PCOLCE2: variants seen among roughly 807,000 people sequenced by gnomAD.
PCOLCE2 encodes the protein procollagen C-endopeptidase enhancer 2.
PCOLCE2 carries 42 observed loss-of-function variants against 47.0 expected under a neutral mutation model. That is an observed-to-expected ratio of 0.89 (90% CI 0.70 to 1.16). PCOLCE2 has a LOEUF of 1.16. Ranked by LOEUF, PCOLCE2 falls within the 50% of genes most tolerant of loss-of-function variation. The pLI is 0.00. For missense variants in PCOLCE2, 500 were observed against 526.1 expected, an observed-to-expected ratio of 0.95 and a Z score of 0.49; for synonymous variants, 169 against 191.7, an observed-to-expected ratio of 0.88 and a Z score of 0.98.
intron 5 of PCOLCE2, 51 bp downstream of exon 5, chr3:142,838,719 A>G (rs377414990): frequency 3.1e-4 from 474 of 1,512,060 alleles, no homozygotes; most frequent in Non-Finnish European, 4.2e-4. Flanking sequence ...CTGAACAAGA[A>G]ACAAGTTTAG....
chr3:142,870,803 T>C (rs1933374873), intron 2 of PCOLCE2, among the ~76,000 whole-genome samples: 1 of 151,844 alleles, frequency 6.6e-6, no homozygotes, highest in East Asian at 1.9e-4. Flanking sequence ...CTACACATAG[T>C]TGGATACAGC....
intron 6 of PCOLCE2, chr3:142,827,203 G>A (rs1937090259): frequency 4.7e-6 from 6 of 1,275,436 alleles, no homozygotes; most frequent in Admixed American, 1.7e-5. Flanking sequence ...AGATGGCGGA[G>A]GGGATGCCGA....
chr3:142,869,290 CA>C lies in PCOLCE2; in HGVS notation c.192+18378del, dbSNP rs767538601. On this transcript the variant is annotated intron_variant, in intron 2 of 8. Coordinates refer to ENST00000295992, the MANE Select transcript of PCOLCE2 (RefSeq NM_013363.4). ...TGGGCGACAGAGTGAGACTCTGTCT[CA>C]AAAAAAAAAACCAAAAAAAACAGAG... 2.3e-3 allele frequency among the ~76,000 whole-genome samples: 278 copies of C among 119,732 alleles called. 3 individuals are homozygous for C. The highest frequency in any genetic ancestry group is 7.4e-3 in the African/African-American group (237 of 31,954). The allele number at this position is 119,732 out of a possible 152,430, so 78.5% of individuals were successfully genotyped here.
At chr3:142,886,044 C>T (rs930042421) in intron 2 of PCOLCE2, among the ~76,000 whole-genome samples, 4 of 152,206 alleles carry the variant, frequency 2.6e-5, no homozygotes, top group Non-Finnish European at 5.9e-5. Context: ...CCTGGACACA[C>T]AGTTTATGGC....
chr3:142,838,913 A>T lies in PCOLCE2; in HGVS notation c.574-7T>A. 6.2e-7 allele frequency: 1 copy of T among 1,605,066 alleles called. No individual in the cohort carries two copies. On this transcript the variant is annotated splice_polypyrimidine_tract_variant and splice_region_variant and intron_variant, in intron 4 of 8. Coordinates refer to ENST00000295992, the MANE Select transcript of PCOLCE2 (RefSeq NM_013363.4). The stretch of plus-strand genomic sequence containing the variant: ...CAAACTTTAATTCTATAAGCTTTAG[A>T]GAAAGCACAATAGAAGTGTCAAATA...
chr3:142,848,123 C>G, intron 3 of PCOLCE2, 94 bp downstream of exon 3: 1 of 1,303,974 alleles, frequency 7.7e-7, no homozygotes, highest in Non-Finnish European at 1.1e-6. Context: ...TCTTTGAGAA[C>G]CACTCTTAAG....
rs886155001 is a variant in PCOLCE2, at chr3:142,881,476, T to C, written c.192+6193A>G. On this transcript the variant is annotated intron_variant, in intron 2 of 8. Coordinates refer to ENST00000295992, the MANE Select transcript of PCOLCE2 (RefSeq NM_013363.4). ...GTCATGCATTGTTTAATGATGGAGA[T>C]ATATTCTGAAAAATGCATCATTAGG... is the stretch of plus-strand genomic sequence containing the variant. Among the ~76,000 whole-genome samples the C allele has an allele frequency of 1.3e-4, 20 of 152,206 alleles. 1 individual carries two copies. Among genetic ancestry groups the C allele is most frequent in the Admixed American group, 1.3e-3 (20 of 15,270 alleles).
At chr3:142,870,117 C>T (rs1318540374) in intron 2 of PCOLCE2, among the ~76,000 whole-genome samples, 3 of 152,110 alleles carry the variant, frequency 2.0e-5, no homozygotes, top group Admixed American at 6.5e-5. Context: ...GTCACTTTTT[C>T]GTTCTCTGTC....
chr3:142,829,096 T>A lies in PCOLCE2; in HGVS notation c.865+596A>T, dbSNP rs541714668. 6.6e-5 allele frequency among the ~76,000 whole-genome samples: 10 copies of A among 152,246 alleles called. 1 individual carries two copies. In the South Asian group the frequency reaches 2.1e-3, roughly 32 times the overall value. On this transcript the variant is annotated intron_variant, in intron 6 of 8. Coordinates refer to ENST00000295992, the MANE Select transcript of PCOLCE2 (RefSeq NM_013363.4). ...GGCCTGAAATCCCAGGGGGTGGAGC[T>A]GATAGGCCAGGTACTACCTACAGAG... is the stretch of plus-strand genomic sequence containing the variant.
At chr3:142,828,175 TC>T (rs1249581085) in intron 6 of PCOLCE2, among the ~76,000 whole-genome samples, 1 of 151,986 alleles carries the variant, frequency 6.6e-6, no homozygotes, top group Non-Finnish European at 1.5e-5. Flanking sequence ...ATCAACAGCT[TC>T]CCCCACACAT....
In PCOLCE2 at chr3:142,843,041, C is replaced by A. The variant is rs757144606; in HGVS notation, c.456G>T (p.Gln152His). The A allele has an allele frequency of 2.5e-6, 4 of 1,613,702 alleles. No individual in the cohort carries two copies. Among genetic ancestry groups the A allele is most frequent in the Non-Finnish European group, 3.4e-6 (4 of 1,179,768 alleles). ...GTCTGTCAAGGAGTCCTCCACAATACTGATCCCCTTCAAGTATTAAACAAG... is the reference window on the plus strand; with the variant it reads ...GTCTGTCAAGGAGTCCTCCACAATAATGATCCCCTTCAAGTATTAAACAAG... The part of the protein sequence containing the change: ...SAAEPNERGD[Q>H]YCGGLLDRPS... Residue 152 changes from glutamine (Q) to histidine (H), a missense_variant, in exon 4 of 9, where the codon CAG (glutamine) becomes CAT (histidine). Physicochemically the swap from Gln to His is conservative, Grantham distance 24 (BLOSUM62 0). Coordinates refer to ENST00000295992, the MANE Select transcript of PCOLCE2 (RefSeq NM_013363.4).
At chr3:142,858,518 G>A (rs1411890574) in intron 2 of PCOLCE2, among the ~76,000 whole-genome samples, 15 of 152,176 alleles carry the variant, frequency 9.9e-5, no homozygotes, top group South Asian at 6.2e-4. Context: ...ATATATGTGC[G>A]TGCGTGTGTG....
chr3:142,859,962 A>G (rs10935472), intron 2 of PCOLCE2, among the ~76,000 whole-genome samples: 76,923 of 152,164 alleles, frequency 0.51, 21,428 homozygotes, highest in Non-Finnish European at 0.64. Flanking sequence ...TGAGCATCCA[A>G]TGTTCTCTTA....
chr3:142,880,837 A>G lies in PCOLCE2; in HGVS notation c.192+6832T>C, dbSNP rs748008327. On this transcript the variant is annotated intron_variant, in intron 2 of 8. Coordinates refer to ENST00000295992, the MANE Select transcript of PCOLCE2 (RefSeq NM_013363.4). Reference sequence around the variant, plus strand: ...CCTGGGAAGTCAAACAAATCCTTACAAAGGATACAGTAACAACTTATCCAG... The same window carrying G: ...CCTGGGAAGTCAAACAAATCCTTACGAAGGATACAGTAACAACTTATCCAG... 3.9e-4 allele frequency among the ~76,000 whole-genome samples: 59 copies of G among 152,360 alleles called. 1 individual carries two copies. Among genetic ancestry groups the G allele is most frequent in the Non-Finnish European group, 3.2e-4 (22 of 68,026 alleles).
rs1247764658 is a variant in PCOLCE2, at chr3:142,842,597, G to A, written c.573+327C>T. On this transcript the variant is annotated intron_variant, in intron 4 of 8. Transcript: ENST00000295992. The surrounding 1 kb of genome is among the most constrained non-coding windows in gnomAD (Gnocchi z 4.1). ...TACTAAAAAAATACAAAATTAGCCG[G>A]GCGTGGTGGCGCGTGCCTGTAATCT... is the stretch of plus-strand genomic sequence containing the variant. 6.6e-6 allele frequency among the ~76,000 whole-genome samples: 1 copy of A among 152,030 alleles called. No homozygotes were observed. The highest frequency in any genetic ancestry group is 2.4e-5 in the African/African-American group (1 of 41,418).
chr3:142,853,992 G>A (rs1448768221), intron 2 of PCOLCE2, among the ~76,000 whole-genome samples: 1 of 152,214 alleles, frequency 6.6e-6, no homozygotes, highest in Non-Finnish European at 1.5e-5. Context: ...CAAAGCTCTC[G>A]ATGCCGGGGC....
chr3:142,860,161 A>G (rs947078151), intron 2 of PCOLCE2, among the ~76,000 whole-genome samples: 8 of 152,344 alleles, frequency 5.3e-5, no homozygotes, highest in Admixed American at 4.6e-4. Flanking sequence ...CACTCCTCAG[A>G]AGCAACCAGT....
intron 2 of PCOLCE2, chr3:142,864,561 A>G (rs1933244825): frequency 6.6e-6 from 1 of 152,234 alleles, no homozygotes; most frequent in Admixed American, 6.5e-5. Context: ...TGTACATTTC[A>G]ACGATTCTTA....
At position 142,818,182 on chromosome 3, in the gene PCOLCE2, T is replaced by A. The variant is rs1407071931; in HGVS notation, c.*153A>T. On this transcript the variant is annotated 3_prime_UTR_variant, in exon 9 of 9. Transcript: ENST00000295992. ...ACTTCCCTCAGCTATCTCGGAGGCC[T>A]CATACCTCCATCATGTGAAGAGTCA... 6 of 674,162 alleles carry A rather than the reference T, an allele frequency of 8.9e-6. No individual in the cohort carries two copies. The highest frequency in any genetic ancestry group is 1.8e-5 in the African/African-American group (1 of 54,714). The allele number at this position is 674,162 out of a possible 1,614,324, so 41.8% of individuals were successfully genotyped here. A position where few individuals can be genotyped will look rare whatever the true frequency, so the allele number is the denominator to read the frequency against.
Sources: gnomAD v4.1 joint callset for allele counts (sites outside exome capture counted in the v4.1 genomes callset) on GRCh38, gnomAD v4.1.1 for gene constraint, Gnocchi (gnomAD v3.1) non-coding constraint, MANE v1.5 for transcripts, NCBI Gene and HGNC (gene_info 2026-07-23, HGNC 2026-07-21) for gene names.